Variants in ZBTB18 observed in about 807,000 individuals in gnomAD.
ZBTB18 encodes the protein zinc finger and BTB domain-containing protein 18.
Under a neutral mutation model 37.7 loss-of-function variants are expected in ZBTB18, and 2 were observed. The observed-to-expected ratio is 0.05, with a 90% CI of 0.02 to 0.17. The LOEUF is 0.17. ZBTB18 is among the 10% of genes least tolerant of loss of function. The probability of loss-of-function intolerance (pLI) is 1.00; values close to 1 mark genes in which losing one functional copy is unlikely to be tolerated. For synonymous variants in ZBTB18, 304 were observed against 276.5 expected (o/e 1.10, Z -0.99); for missense variants, 408 against 686.3 (o/e 0.59, Z 4.53).
chr1:244,049,522 C>G (rs868711520), upstream of ZBTB18, among the ~76,000 whole-genome samples: 2 of 151,920 alleles, frequency 1.3e-5, no homozygotes, highest in South Asian at 2.1e-4. Flanking sequence ...GGGGCTCGCG[C>G]GTCGCGGCAT....
upstream of ZBTB18, among the ~76,000 whole-genome samples, chr1:244,050,385 T>G (rs1414089434): frequency 1.3e-5 from 2 of 151,256 alleles, no homozygotes; most frequent in Admixed American, 6.6e-5. Flanking sequence ...TTACTAGACC[T>G]GGCTTCCCCC....
rs1385545285 is a variant in ZBTB18 at position 244,056,281 on chromosome 1, C to G, written c.*911C>G. On this transcript the variant is annotated 3_prime_UTR_variant, in exon 2 of 2. Coordinates refer to ENST00000358704, the MANE Select transcript of ZBTB18 (RefSeq NM_205768.3). ...AAATAACACCATTTGGAAAAAAAAA[C>G]TGGTGTTATGAAGAACGTAAATGCA... is the stretch of plus-strand genomic sequence containing the variant. 1 of 166,788 alleles carries G rather than the reference C, an allele frequency of 6.0e-6. No homozygotes were observed. Among genetic ancestry groups the G allele is most frequent in the Admixed American group, 6.5e-5 (1 of 15,268 alleles). The allele number at this position is 166,788 out of a possible 1,614,324, so 10.3% of individuals were successfully genotyped here.
In ZBTB18 at chr1:244,056,831, G is replaced by C. The variant is rs918348665; in HGVS notation, c.*1461G>C. 4 of 167,038 alleles carry C rather than the reference G, an allele frequency of 2.4e-5. No homozygotes were observed. The East Asian group carries it at 7.7e-4, about 32-fold the overall frequency. The allele number at this position is 167,038 out of a possible 1,614,324, so 10.3% of individuals were successfully genotyped here. On this transcript the variant is annotated 3_prime_UTR_variant, in exon 2 of 2. Coordinates refer to ENST00000358704, the MANE Select transcript of ZBTB18 (RefSeq NM_205768.3). ...AACGTGTGGTTTTAATGACCAGCAC[G>C]CAAGGCAAAAGCATTTTGCACAGTG...
chr1:244,053,489 A>T lies in ZBTB18; in HGVS notation c.14-299A>T. Among the ~76,000 whole-genome samples, 1 of 151,578 alleles carries T rather than the reference A, an allele frequency of 6.6e-6. No homozygotes were observed. The highest frequency in any genetic ancestry group is 2.1e-4 in the South Asian group (1 of 4,796). On this transcript the variant is annotated intron_variant, in intron 1 of 1. Transcript: ENST00000358704. This position sits in a 1 kb window ranked among gnomAD's most constrained non-coding sequence, Gnocchi z 5.2. ...TAAATTTCTTCTGGAAGAGATCTAA[A>T]TTCTTATTCTTAGTGAGAGACTGTA...
rs1168840823 is a variant in ZBTB18 at position 244,055,403 on chromosome 1, TAC to T, written c.*35_*36del. The T allele has an allele frequency of 6.4e-6, 4 of 623,540 alleles. No individual in the cohort carries two copies. Among genetic ancestry groups the T allele is most frequent in the East Asian group, 4.7e-5 (1 of 21,244 alleles). 38.6% of individuals were successfully genotyped at this position (623,540 alleles called of 1,614,324 possible). A position where few individuals can be genotyped will look rare whatever the true frequency, so the allele number is the denominator to read the frequency against. ...TATATATAAATAATATATATATATA[TAC>T]ATATATATAAATAGATCTCTATATA... On this transcript the variant is annotated 3_prime_UTR_variant, in exon 2 of 2. Transcript: ENST00000358704. This position sits in a 1 kb window ranked among gnomAD's most constrained non-coding sequence, Gnocchi z 7.0.
At position 244,055,400 on chromosome 1, in the gene ZBTB18, A is replaced by ATG; in HGVS notation, c.*31_*32insGT. On this transcript the variant is annotated 3_prime_UTR_variant, in exon 2 of 2. Transcript: ENST00000358704. The surrounding 1 kb of genome is among the most constrained non-coding windows in gnomAD (Gnocchi z 7.0). ...ATATATATATAAATAATATATATAT[A>ATG]TATACATATATATAAATAGATCTCT... 1.6e-6 allele frequency: 1 copy of ATG among 644,582 alleles called. No homozygotes were observed. Among genetic ancestry groups the ATG allele is most frequent in the Non-Finnish European group, 2.2e-6 (1 of 464,828 alleles). The allele number at this position is 644,582 out of a possible 1,614,324, so 39.9% of individuals were successfully genotyped here.
upstream of ZBTB18, among the ~76,000 whole-genome samples, chr1:244,048,632 C>G (rs1298674631): frequency 1.4e-5 from 2 of 142,684 alleles, no homozygotes; most frequent in Admixed American, 1.4e-4. Flanking sequence ...GCGCCCGCCC[C>G]CCCCCCGCCC....
At position 244,051,381 on chromosome 1, in the gene ZBTB18, G is replaced by T. The variant is rs1698345974; in HGVS notation, c.-51G>T. 6.2e-7 allele frequency: 1 copy of T among 1,608,440 alleles called. No individual in the cohort carries two copies. Among genetic ancestry groups the T allele is most frequent in the African/African-American group, 1.3e-5 (1 of 74,512 alleles). ...CTTAGTCTGCTTTTTTTCCACCGATGTAACAGACCTGGAGCCAGCAGGACT... is the reference window on the plus strand; with the variant it reads ...CTTAGTCTGCTTTTTTTCCACCGATTTAACAGACCTGGAGCCAGCAGGACT... On this transcript the variant is annotated 5_prime_UTR_variant, in exon 1 of 2. The change abolishes an upstream ATG in the 5' untranslated region. Coordinates refer to ENST00000358704, the MANE Select transcript of ZBTB18 (RefSeq NM_205768.3).
rs1698498713 is a variant in ZBTB18, at chr1:244,057,413, C to T, written c.*2043C>T. On this transcript the variant is annotated 3_prime_UTR_variant, in exon 2 of 2. Transcript: ENST00000358704. ...ACTTATAATGCTGTTTAGTTTTGTA[C>T]TATTGGTGTGTTGGTGAATTTTTAA... is the stretch of plus-strand genomic sequence containing the variant. The T allele has an allele frequency of 6.0e-6, 1 of 166,618 alleles. No individual in the cohort carries two copies. Among genetic ancestry groups the T allele is most frequent in the East Asian group, 1.9e-4 (1 of 5,196 alleles). 10.3% of individuals were successfully genotyped at this position (166,618 alleles called of 1,614,324 possible). A position where few individuals can be genotyped will look rare whatever the true frequency, so the allele number is the denominator to read the frequency against.
chr1:244,056,656 C>G lies in ZBTB18; in HGVS notation c.*1286C>G. ...TCCTCCTTACCCTCCCTCCCTTACT[C>G]TCCCCCCCCACCACCACCCTCCACC... On this transcript the variant is annotated 3_prime_UTR_variant, in exon 2 of 2. Coordinates refer to ENST00000358704, the MANE Select transcript of ZBTB18 (RefSeq NM_205768.3). 1 of 142,908 alleles carries G rather than the reference C, an allele frequency of 7.0e-6. No homozygotes were observed. The highest frequency in any genetic ancestry group is 1.6e-5 in the Non-Finnish European group (1 of 60,676). The allele number at this position is 142,908 out of a possible 1,614,324, so 8.9% of individuals were successfully genotyped here.
chr1:244,049,266 C>T (rs1225548257), upstream of ZBTB18, among the ~76,000 whole-genome samples: 3 of 143,406 alleles, frequency 2.1e-5, no homozygotes, highest in East Asian at 6.2e-4. Context: ...CCCGGCTCCG[C>T]GCCGCGCCCC....
chr1:244,053,727 G>A lies in ZBTB18; in HGVS notation c.14-61G>A. The A allele has an allele frequency of 6.5e-7, 1 of 1,545,760 alleles. No individual in the cohort carries two copies. Among genetic ancestry groups the A allele is most frequent in the East Asian group, 2.3e-5 (1 of 44,302 alleles). ...AGCGGAATTAATTTTTTTATATGGG[G>A]ACTGGAGCGCTGAAAAGTTGTTCCT... On this transcript the variant is annotated intron_variant, in intron 1 of 1. Coordinates refer to ENST00000358704, the MANE Select transcript of ZBTB18 (RefSeq NM_205768.3). This position sits in a 1 kb window ranked among gnomAD's most constrained non-coding sequence, Gnocchi z 5.2.
rs764736371 is a variant in ZBTB18, at chr1:244,054,507, G to A, written c.733G>A (p.Val245Ile). The change falls in exon 2 of 2, where the codon GTT becomes ATT. Residue 245 changes from valine to isoleucine, a missense_variant. By Grantham distance (29) the Val-to-Ile change is conservative. Transcript: ENST00000358704. This position sits in a 1 kb window ranked among gnomAD's most constrained non-coding sequence, Gnocchi z 9.0. ...CACCTCCGTGAGGGATTCGGCAGAT[G>A]TTGACTGTGTGCTGGACCTGTCTGT... ...SVTSVRDSAD[V>I]DCVLDLSVKS... 6.2e-7 allele frequency: 1 copy of A among 1,614,142 alleles called. No homozygotes were observed. Among genetic ancestry groups the A allele is most frequent in the African/African-American group, 1.3e-5 (1 of 74,952 alleles).
rs564305542 is a variant in ZBTB18 at position 244,051,409 on chromosome 1, G to C, written c.-23G>C. On this transcript the variant is annotated 5_prime_UTR_variant, in exon 1 of 2. Transcript: ENST00000358704. The stretch of plus-strand genomic sequence containing the variant: ...ACAGACCTGGAGCCAGCAGGACTCA[G>C]AGGAAAGGACTTAATCAGGTTTATG... The C allele has an allele frequency of 3.0e-5, 49 of 1,614,092 alleles. No homozygotes were observed. The East Asian group carries it at 5.1e-4, about 17-fold the overall frequency.
chr1:244,055,437 G>A lies in ZBTB18; in HGVS notation c.*67G>A. On this transcript the variant is annotated 3_prime_UTR_variant, in exon 2 of 2. Transcript: ENST00000358704. This position sits in a 1 kb window ranked among gnomAD's most constrained non-coding sequence, Gnocchi z 7.0. Reference sequence around the variant, plus strand: ...ATAAATAGATCTCTATATAGTTGTGGTACGGTCTAAAAGCAGTCTTGTTTC... The same window carrying A: ...ATAAATAGATCTCTATATAGTTGTGATACGGTCTAAAAGCAGTCTTGTTTC... The A allele has an allele frequency of 3.4e-6, 2 of 582,098 alleles. No individual in the cohort carries two copies. The highest frequency in any genetic ancestry group is 4.8e-6 in the Non-Finnish European group (2 of 419,812). 36.1% of individuals were successfully genotyped at this position (582,098 alleles called of 1,614,324 possible).
Position 244,055,387 on chromosome 1 carries a change from A to T in ZBTB18, c.*17A>T. 1 of 707,410 alleles carries T rather than the reference A, an allele frequency of 1.4e-6. No individual in the cohort carries two copies. The highest frequency in any genetic ancestry group is 2.0e-6 in the Non-Finnish European group (1 of 510,682). The allele number at this position is 707,410 out of a possible 1,614,324, so 43.8% of individuals were successfully genotyped here. ...TGGAAATAATTTTATATATATATAA[A>T]TAATATATATATATATACATATATA... On this transcript the variant is annotated 3_prime_UTR_variant, in exon 2 of 2. Coordinates refer to ENST00000358704, the MANE Select transcript of ZBTB18 (RefSeq NM_205768.3). The surrounding 1 kb of genome is among the most constrained non-coding windows in gnomAD (Gnocchi z 7.0).
chr1:244,053,564 C>T lies in ZBTB18; in HGVS notation c.14-224C>T, dbSNP rs1327218301. On this transcript the variant is annotated intron_variant, in intron 1 of 1. Transcript: ENST00000358704. This position sits in a 1 kb window ranked among gnomAD's most constrained non-coding sequence, Gnocchi z 5.2. ...GGGTTCAAGGAAGATGGAGATGCGT[C>T]GGAAGCTCTTTGGCGGGGGTGAGGA... Among the ~76,000 whole-genome samples, 4 of 152,106 alleles carry T rather than the reference C, an allele frequency of 2.6e-5. No homozygotes were observed. Among genetic ancestry groups the T allele is most frequent in the Non-Finnish European group, 4.4e-5 (3 of 68,024 alleles).
chr1:244,053,729 C>T lies in ZBTB18; in HGVS notation c.14-59C>T. 5 of 1,547,108 alleles carry T rather than the reference C, an allele frequency of 3.2e-6. No individual in the cohort carries two copies. In the South Asian group the frequency reaches 5.1e-5, roughly 16 times the overall value. The stretch of plus-strand genomic sequence containing the variant: ...CGGAATTAATTTTTTTATATGGGGA[C>T]TGGAGCGCTGAAAAGTTGTTCCTGA... On this transcript the variant is annotated intron_variant, in intron 1 of 1. Transcript: ENST00000358704. The surrounding 1 kb of genome is among the most constrained non-coding windows in gnomAD (Gnocchi z 5.2).
rs1698385057 is a variant in ZBTB18 at position 244,053,090 on chromosome 1, G to A, written c.14-698G>A. On this transcript the variant is annotated intron_variant, in intron 1 of 1. Coordinates refer to ENST00000358704, the MANE Select transcript of ZBTB18 (RefSeq NM_205768.3). This position sits in a 1 kb window ranked among gnomAD's most constrained non-coding sequence, Gnocchi z 5.2. ...ATAGTAAAGATGATCTTTTCCATCTGTTGGTGCAGCTCCTTCTGATCTCGT... is the reference window on the plus strand; with the variant it reads ...ATAGTAAAGATGATCTTTTCCATCTATTGGTGCAGCTCCTTCTGATCTCGT... Among the ~76,000 whole-genome samples, 1 of 152,204 alleles carries A rather than the reference G, an allele frequency of 6.6e-6. No individual in the cohort carries two copies. Among genetic ancestry groups the A allele is most frequent in the Admixed American group, 6.5e-5 (1 of 15,284 alleles).
Sources: gnomAD v4.1 joint callset for allele counts (sites outside exome capture counted in the v4.1 genomes callset) on GRCh38, gnomAD v4.1.1 for gene constraint, Gnocchi (gnomAD v3.1) non-coding constraint, MANE v1.5 for transcripts, NCBI Gene and HGNC (gene_info 2026-07-23, HGNC 2026-07-21) for gene names.